PLCXD1: variants seen among roughly 807,000 people sequenced by gnomAD.
The protein encoded by PLCXD1 is phosphatidylinositol specific phospholipase C X domain containing 1, also known as PI-PLC X domain-containing protein 1.
A neutral mutation model predicts 37.8 loss-of-function variants in PLCXD1; 45 were observed. The ratio of observed to expected loss-of-function variants is 1.19; its 90% confidence interval spans 0.94 to 1.53. The LOEUF is 1.53. PLCXD1 is among the 40% of genes most tolerant of loss of function. The pLI is 0.00. For missense variants in PLCXD1, 539 were observed against 454.7 expected (o/e 1.19, Z -1.69); for synonymous variants, 246 against 206.9 (o/e 1.19, Z -1.62).
upstream of PLCXD1, among the ~76,000 whole-genome samples, chrX:278,265 CG>C (rs2069194393): frequency 6.7e-6 from 1 of 149,744 alleles, no homozygotes; most frequent in African/African-American, 2.5e-5. Flanking sequence ...GGGACTGTGA[CG>C]GGGGAAGGGA....
Position 301,079 on chromosome X carries a change from TAGCTCACTGC to T in PLCXD1, c.*1748_*1757del, listed in dbSNP as rs1259192046. 6.6e-6 allele frequency: 1 copy of T among 152,214 alleles called. No homozygotes were observed. The highest frequency in any genetic ancestry group is 1.5e-5 in the Non-Finnish European group (1 of 68,138). 9.4% of individuals were successfully genotyped at this position (152,214 alleles called of 1,614,324 possible). A position where few individuals can be genotyped will look rare whatever the true frequency, so the allele number is the denominator to read the frequency against. Reference sequence around the variant, plus strand: ...AGGCTGGAGGGCAGTGGTACAGTCATAGCTCACTGCAGCCTCAACCTCCTGGGCTCAAGCG... The same window carrying T: ...AGGCTGGAGGGCAGTGGTACAGTCATAGCCTCAACCTCCTGGGCTCAAGCG... On this transcript the variant is annotated 3_prime_UTR_variant, in exon 7 of 7. Transcript: ENST00000381657.
At chrX:279,882 C>T (rs1044403324), upstream of PLCXD1, among the ~76,000 whole-genome samples, 6 of 152,090 alleles carry the variant, frequency 3.9e-5, no homozygotes, top group African/African-American at 1.4e-4. Context: ...GGGAGTCTCA[C>T]TCTGTCTCCC....
At chrX:290,336 A>G (rs765065219) in intron 3 of PLCXD1, among the ~76,000 whole-genome samples, 35 of 151,774 alleles carry the variant, frequency 2.3e-4, no homozygotes, top group African/African-American at 8.5e-4. Context: ...AGGCTGAGGC[A>G]GGAGAACGGC....
chrX:288,298 A>G (rs908295345), intron 2 of PLCXD1, among the ~76,000 whole-genome samples: 1 of 149,780 alleles, frequency 6.7e-6, no homozygotes, highest in Non-Finnish European at 1.5e-5. Flanking sequence ...AATTGTATTC[A>G]GTTCCTTCTA....
upstream of PLCXD1, among the ~76,000 whole-genome samples, chrX:276,766 G>A (rs28550099): frequency 0.49 from 74,013 of 151,666 alleles, 20,096 homozygotes; most frequent in East Asian, 0.69. Flanking sequence ...GCGTGGGGAC[G>A]GGTCGGGACA....
intron 2 of PLCXD1, among the ~76,000 whole-genome samples, chrX:288,201 A>G (rs1229549254): frequency 1.3e-5 from 2 of 152,008 alleles, no homozygotes; most frequent in Admixed American, 6.6e-5. Context: ...TAAAGACCCT[A>G]TTTCCAAACA....
intron 3 of PLCXD1, among the ~76,000 whole-genome samples, chrX:290,259 C>T (rs777310816): frequency 1.3e-5 from 2 of 152,240 alleles, no homozygotes; most frequent in African/African-American, 2.4e-5. Context: ...AACCACATCT[C>T]TACTAAAAAT....
At position 297,041 on chromosome X, in the gene PLCXD1, T is replaced by C. The variant is rs1305374975; in HGVS notation, c.734-2056T>C. Among the ~76,000 whole-genome samples, 15 of 51,778 alleles carry C rather than the reference T, an allele frequency of 2.9e-4. 1 individual carries two copies. The highest frequency in any genetic ancestry group is 6.2e-4 in the Admixed American group (4 of 6,452). The allele number at this position is 51,778 out of a possible 152,430, so 34.0% of individuals were successfully genotyped here. A position where few individuals can be genotyped will look rare whatever the true frequency, so the allele number is the denominator to read the frequency against. ...ATTATCCTGTCTATCACATGGGGAT[T>C]AGGACGTGGACATCTTTGGGGACAT... On this transcript the variant is annotated intron_variant, in intron 6 of 6. Coordinates refer to ENST00000381657, the MANE Select transcript of PLCXD1 (RefSeq NM_018390.4).
intron 3 of PLCXD1, among the ~76,000 whole-genome samples, chrX:289,539 G>A (rs2069562162): frequency 6.9e-6 from 1 of 143,900 alleles, no homozygotes; most frequent in African/African-American, 2.6e-5. Flanking sequence ...TTGAGACGGA[G>A]TCTCACTGCC....
chrX:287,915 T>C, intron 2 of PLCXD1, among the ~76,000 whole-genome samples: 1 of 151,970 alleles, frequency 6.6e-6, no homozygotes, highest in East Asian at 1.9e-4. Flanking sequence ...GAACAGAAAT[T>C]TACTCTCTCC....
intron 1 of PLCXD1, chrX:283,260 C>CAA (rs111674330): frequency 0.16 from 21,428 of 136,994 alleles, 2,032 homozygotes; most frequent in South Asian, 0.19. Context: ...AACTGCGTCT[C>CAA]AAAAAAAAAA....
chrX:293,215 C>G lies in PLCXD1; in HGVS notation c.730C>G (p.Pro244Ala), dbSNP rs771889504. 1 of 1,607,518 alleles carries G rather than the reference C, an allele frequency of 6.2e-7. No individual in the cohort carries two copies. The change falls in exon 6 of 7, where the codon CCA becomes GCA. Residue 244 changes from proline to alanine, a missense_variant. Pro to Ala is a conservative substitution (Grantham distance 27). Coordinates refer to ENST00000381657, the MANE Select transcript of PLCXD1 (RefSeq NM_018390.4). ...GGAGACCATGAAGAGCTGCGGCCGCCCAGGTACCAGGTCGCCCCTCGTGGG... is the reference window on the plus strand; with the variant it reads ...GGAGACCATGAAGAGCTGCGGCCGCGCAGGTACCAGGTCGCCCCTCGTGGG... ...YLETMKSCGR[P>A]GGLFVAGINL...
In PLCXD1 at chrX:302,612, G is replaced by C. The variant is rs2070052503; in HGVS notation, c.*3277G>C. ...TTTGAGACGGAGTTTCGCTCTCGTT[G>C]CCGAGGCTGGAGTGTAGTAGTGTGA... On this transcript the variant is annotated 3_prime_UTR_variant, in exon 7 of 7. Transcript: ENST00000381657. 6.6e-6 allele frequency: 1 copy of C among 151,978 alleles called. No homozygotes were observed. The highest frequency in any genetic ancestry group is 2.4e-5 in the African/African-American group (1 of 41,366). The allele number at this position is 151,978 out of a possible 1,614,324, so 9.4% of individuals were successfully genotyped here.
intron 4 of PLCXD1, 81 bp from the exon 5 acceptor site, chrX:291,418 T>C (rs1483911534): frequency 6.6e-7 from 1 of 1,523,062 alleles, no homozygotes; most frequent in Non-Finnish European, 9.1e-7. Context: ...ATTGCTGGGA[T>C]GACAGGCGTG....
In PLCXD1 at chrX:298,896, C is replaced by T. The variant is rs189783836; in HGVS notation, c.734-201C>T. On this transcript the variant is annotated intron_variant, in intron 6 of 6. Coordinates refer to ENST00000381657, the MANE Select transcript of PLCXD1 (RefSeq NM_018390.4). ...TGGGGACATTATTCTGTCTCCCACA[C>T]GGTGTTACGACGTGAGCATCTTTGG... Among the ~76,000 whole-genome samples the T allele has an allele frequency of 3.5e-3, 533 of 151,568 alleles. 3 individuals are homozygous for T. Among genetic ancestry groups the T allele is most frequent in the African/African-American group, 0.012 (505 of 41,276 alleles).
rs761047510 is a variant in PLCXD1 at position 292,784 on chromosome X, T to C, written c.550-251T>C. ...TGCACCACCGCACCCGGCCAATTTT[T>C]GTATTTTTAGTAGAGATGGGGTTTC... On this transcript the variant is annotated intron_variant, in intron 5 of 6. Transcript: ENST00000381657. 6.6e-5 allele frequency among the ~76,000 whole-genome samples: 10 copies of C among 151,736 alleles called. No individual in the cohort carries two copies. In the South Asian group the frequency reaches 1.9e-3, roughly 28 times the overall value.
Position 296,636 on chromosome X carries a change from C to T in PLCXD1, c.734-2461C>T, listed in dbSNP as rs146750113. On this transcript the variant is annotated intron_variant, in intron 6 of 6. Transcript: ENST00000381657. ...GCATTTCTAACTATTGCAGGGACCC[C>T]ACTTTGAGAATCACTGGTCAACGTC... Among the ~76,000 whole-genome samples, 119 of 152,330 alleles carry T rather than the reference C, an allele frequency of 7.8e-4. 1 individual carries two copies. In the East Asian group the frequency reaches 0.017, roughly 22 times the overall value.
At chrX:277,122 T>A (rs1025314749), upstream of PLCXD1, among the ~76,000 whole-genome samples, 1 of 151,574 alleles carries the variant, frequency 6.6e-6, no homozygotes, top group Non-Finnish European at 1.5e-5. Flanking sequence ...ATGGCAGAGG[T>A]GGCTGGGAGT....
intron 4 of PLCXD1, 44 bp downstream of exon 4, chrX:290,820 C>T (rs771612131): frequency 1.6e-5 from 25 of 1,574,436 alleles, no homozygotes; most frequent in African/African-American, 1.0e-4. Context: ...GAGTGGGAGG[C>T]GGCCGGGCAC....
Sources: allele counts gnomAD v4.1 joint callset (sites outside exome capture counted in the v4.1 genomes callset), GRCh38; gene constraint gnomAD v4.1.1; transcripts MANE v1.5; gene names NCBI Gene and HGNC (gene_info 2026-07-23, HGNC 2026-07-21).